Variants in BCO2 observed in about 807,000 individuals in gnomAD.
BCO2 encodes the protein beta-carotene oxygenase 2, also known as carotenoid-cleaving dioxygenase, mitochondrial.
A neutral mutation model predicts 65.8 loss-of-function variants in BCO2; 56 were observed. The ratio of observed to expected loss-of-function variants is 0.85; its 90% CI spans 0.69 to 1.06. The LOEUF is 1.06. Among genes scored for constraint, BCO2 ranks in the 50% least tolerant of loss-of-function variants. BCO2 has a pLI of 0.00. For missense variants in BCO2, 675 were observed against 698.5 expected, an observed-to-expected ratio of 0.97 and a Z score of 0.38; for synonymous variants, 233 against 242.3, an observed-to-expected ratio of 0.96 and a Z score of 0.36.
chr11:112,213,475 T>TA (rs1859570293), intron 8 of BCO2, among the ~76,000 whole-genome samples: 2 of 152,140 alleles, frequency 1.3e-5, no homozygotes, highest in East Asian at 3.8e-4. Context: ...ATTTCTTTAT[T>TA]ATCATTCCTC....
At chr11:112,188,204 A>C (rs1345565537) in intron 2 of BCO2, among the ~76,000 whole-genome samples, 6 of 152,178 alleles carry the variant, frequency 3.9e-5, no homozygotes, top group Non-Finnish European at 8.8e-5. Context: ...TGTCTTCTCC[A>C]TCCCAGTTAA....
At chr11:112,191,765 A>G (rs1251183770) in intron 2 of BCO2, among the ~76,000 whole-genome samples, 3 of 152,168 alleles carry the variant, frequency 2.0e-5, no homozygotes, top group African/African-American at 7.2e-5. Context: ...TTGGTGCAAG[A>G]ATAGACCAAT....
In BCO2 at chr11:112,200,564, A is replaced by G. The variant is rs770121708; in HGVS notation, c.866-49A>G. 8 of 1,533,548 alleles carry G rather than the reference A, an allele frequency of 5.2e-6. No individual in the cohort carries two copies. In the Admixed American group the frequency reaches 1.6e-4, roughly 31 times the overall value. The allele number at this position is 1,533,548 out of a possible 1,614,324, so 95.0% of individuals were successfully genotyped here. A position where few individuals can be genotyped will look rare whatever the true frequency, so the allele number is the denominator to read the frequency against. On this transcript the variant is annotated intron_variant, in intron 6 of 11. Coordinates refer to ENST00000357685, the MANE Select transcript of BCO2 (RefSeq NM_031938.7). ...TCCCCATAACTGGCACATTTCAGAC[A>G]ACTCTAGTTTGCCAAATAACATTTT...
chr11:112,198,958 A>C (rs1867653447), intron 5 of BCO2, among the ~76,000 whole-genome samples: 1 of 151,628 alleles, frequency 6.6e-6, no homozygotes, highest in African/African-American at 2.4e-5. Flanking sequence ...ATTATATAAT[A>C]GCTCTTTTTT....
intron 1 of BCO2, among the ~76,000 whole-genome samples, chr11:112,176,868 CA>C (rs1445221469): frequency 6.6e-6 from 1 of 152,052 alleles, no homozygotes; most frequent in Admixed American, 6.5e-5. Context: ...TAGCAGAATG[CA>C]GAGAGTAGTT....
At chr11:112,198,324 A>T (rs1441948203) in intron 5 of BCO2, among the ~76,000 whole-genome samples, 2 of 151,660 alleles carry the variant, frequency 1.3e-5, no homozygotes, top group African/African-American at 4.8e-5. Flanking sequence ...CCCTGTCTCT[A>T]AAAAAAATGA....
intron 10 of BCO2, chr11:112,215,989 TG>T: frequency 2.1e-6 from 1 of 477,102 alleles, no homozygotes; most frequent in Non-Finnish European, 3.8e-6. Flanking sequence ...AGAGCTCACT[TG>T]TCACCAAGGG....
At chr11:112,182,749 T>C in intron 2 of BCO2, 2 of 552,896 alleles carry the variant, frequency 3.6e-6, no homozygotes, top group South Asian at 2.4e-5. Flanking sequence ...ATATACCTAA[T>C]GTAAATGATG....
At chr11:112,194,580 A>C in intron 4 of BCO2, 73 bp from the exon 5 acceptor site, 2 of 877,562 alleles carry the variant, frequency 2.3e-6, no homozygotes, top group Non-Finnish European at 3.7e-6. Flanking sequence ...TAAAAACATT[A>C]GATATTTCTA....
intron 2 of BCO2, among the ~76,000 whole-genome samples, chr11:112,185,707 T>C (rs1304490028): frequency 1.3e-5 from 2 of 152,228 alleles, no homozygotes; most frequent in African/African-American, 4.8e-5. Flanking sequence ...TGAACGATCA[T>C]TATTTTTAAT....
rs180684693 is a variant in BCO2 at position 112,185,525 on chromosome 11, A to G, written c.293+6043A>G. On this transcript the variant is annotated intron_variant, in intron 2 of 11. Transcript: ENST00000357685. ...ATAGAAAAGGGAGGCTAGGGGAAGC[A>G]TGTACCACCTGACACATCCTTTATT... Among the ~76,000 whole-genome samples the G allele has an allele frequency of 4.9e-3, 752 of 152,326 alleles. 2 individuals carry two copies. The highest frequency in any genetic ancestry group is 0.017 in the Middle Eastern group (5 of 294).
intron 1 of BCO2, chr11:112,176,483 T>C (rs1866883501): frequency 1.8e-5 from 2 of 112,180 alleles, no homozygotes; most frequent in African/African-American, 6.8e-5. Context: ...TCTGAAGGAG[T>C]TGGGAAATAT....
At position 112,202,141 on chromosome 11, in the gene BCO2, A is replaced by G. The variant is rs1483456723; in HGVS notation, c.1145A>G (p.Glu382Gly). 1.9e-6 allele frequency: 3 copies of G among 1,613,926 alleles called. No homozygotes were observed. The highest frequency in any genetic ancestry group is 2.7e-5 in the African/African-American group (2 of 74,916). The change falls in exon 8 of 12, where the codon GAA (glutamate) becomes GGA (glycine). Residue 382 changes from glutamate to glycine, a missense_variant. Physicochemically the swap from Glu to Gly is moderately conservative, Grantham distance 98. Transcript: ENST00000357685. ...TGTCAAGATAATGGAAGAACCCTAG[A>G]AGTTTACCAGTTACAGAATCTCAGG... is the stretch of plus-strand genomic sequence containing the variant. ...LCCQDNGRTL[E>G]VYQLQNLRKA...
intron 8 of BCO2, among the ~76,000 whole-genome samples, chr11:112,204,563 C>G (rs533275449): frequency 6.6e-6 from 1 of 152,180 alleles, no homozygotes; most frequent in African/African-American, 2.4e-5. Flanking sequence ...TCTTCCTCCC[C>G]CTCAGACTAC....
intron 2 of BCO2, among the ~76,000 whole-genome samples, chr11:112,180,116 A>G (rs1866993706): frequency 6.6e-6 from 1 of 152,214 alleles, no homozygotes; most frequent in South Asian, 2.1e-4. Flanking sequence ...CTTTTAACCT[A>G]CATATATCCT....
chr11:112,181,455 A>C (rs1867047163), intron 2 of BCO2: 2 of 659,814 alleles, frequency 3.0e-6, no homozygotes, highest in South Asian at 2.9e-5. Flanking sequence ...TGCTGGGATT[A>C]CAGGCGTGAG....
chr11:112,188,100 A>G (rs1341891839), intron 2 of BCO2, among the ~76,000 whole-genome samples: 1 of 152,096 alleles, frequency 6.6e-6, no homozygotes, highest in Non-Finnish European at 1.5e-5. Context: ...GTGTTTTGCC[A>G]ACTGGCTGTG....
intron 8 of BCO2, among the ~76,000 whole-genome samples, chr11:112,211,430 C>T (rs575501032): frequency 2.6e-5 from 4 of 151,954 alleles, no homozygotes; most frequent in Admixed American, 6.6e-5. Flanking sequence ...CTGCTATGAA[C>T]ATTGGCATAC....
chr11:112,214,298 C>T (rs917827342), intron 9 of BCO2, among the ~76,000 whole-genome samples: 1 of 152,124 alleles, frequency 6.6e-6, no homozygotes, highest in Admixed American at 6.6e-5. Context: ...AGGCACCTGT[C>T]ACCACGCCCG....
Sources: gnomAD v4.1 joint callset for allele counts (sites outside exome capture counted in the v4.1 genomes callset) on GRCh38, gnomAD v4.1.1 for gene constraint, MANE v1.5 for transcripts, NCBI Gene and HGNC (gene_info 2026-07-23, HGNC 2026-07-21) for gene names.